The following CTNNA3 variants were observed in gnomAD, a reference collection of about 807,000 sequenced individuals.
CTNNA3 encodes the protein catenin alpha 3, also known as catenin alpha-3.
CTNNA3 carries 76 observed loss-of-function variants against 95.7 expected under a neutral mutation model. The observed-to-expected ratio is 0.79, with a 90% CI of 0.66 to 0.96. CTNNA3 has a LOEUF of 0.96. Among genes scored for constraint, CTNNA3 ranks in the 40% least tolerant of loss-of-function variants. The pLI is 0.00. For missense variants in CTNNA3, 1,191 were observed against 1,089.8 expected, an observed-to-expected ratio of 1.09 and a Z score of -1.31; for synonymous variants, 431 against 374.4, an observed-to-expected ratio of 1.15 and a Z score of -1.74.
intron 1 of CTNNA3, among the ~76,000 whole-genome samples, chr10:67,679,425 T>G (rs922790973): frequency 6.6e-6 from 1 of 152,210 alleles, no homozygotes; most frequent in Non-Finnish European, 1.5e-5. Flanking sequence ...CACAGAATTC[T>G]TGCTGGCATT....
chr10:67,021,741 A>G (rs918907459), intron 7 of CTNNA3, among the ~76,000 whole-genome samples: 5 of 152,182 alleles, frequency 3.3e-5, no homozygotes, highest in South Asian at 4.1e-4. Context: ...AGATTTCTGG[A>G]CTTCTTAAAA....
At chr10:65,958,984 C>T (rs991629682) in intron 17 of CTNNA3, among the ~76,000 whole-genome samples, 1 of 152,194 alleles carries the variant, frequency 6.6e-6, no homozygotes, top group African/African-American at 2.4e-5. Context: ...ATGCCCTGCC[C>T]CCAGAGGTGA....
At chr10:65,980,838 T>C (rs969574308) in intron 16 of CTNNA3, among the ~76,000 whole-genome samples, 3 of 152,058 alleles carry the variant, frequency 2.0e-5, no homozygotes, top group African/African-American at 7.2e-5. Context: ...AGAAATGACA[T>C]ACCTTAAGGT....
At chr10:65,957,889 T>C (rs1305727669) in intron 17 of CTNNA3, among the ~76,000 whole-genome samples, 1 of 152,190 alleles carries the variant, frequency 6.6e-6, no homozygotes, top group East Asian at 1.9e-4. Flanking sequence ...GAGGAGTATC[T>C]TTGTGGTGTT....
chr10:67,303,596 A>C (rs1172155251), intron 5 of CTNNA3, among the ~76,000 whole-genome samples: 4 of 152,238 alleles, frequency 2.6e-5, no homozygotes, highest in Non-Finnish European at 5.9e-5. Flanking sequence ...CATGGCAAGA[A>C]TGGTTTCTCA....
intron 11 of CTNNA3, among the ~76,000 whole-genome samples, chr10:66,416,009 C>A (rs1219874162): frequency 6.6e-6 from 1 of 151,922 alleles, no homozygotes; most frequent in African/African-American, 2.4e-5. Context: ...ATTATTGATT[C>A]TAAATAATTT....
chr10:67,316,157 A>C (rs1841043965), intron 5 of CTNNA3, among the ~76,000 whole-genome samples: 1 of 152,128 alleles, frequency 6.6e-6, no homozygotes, highest in African/African-American at 2.4e-5. Flanking sequence ...AAATTCAAGT[A>C]AAAGTAAATT....
At chr10:66,100,592 T>C (rs996268099) in intron 14 of CTNNA3, among the ~76,000 whole-genome samples, 1 of 152,128 alleles carries the variant, frequency 6.6e-6, no homozygotes, top group Non-Finnish European at 1.5e-5. Flanking sequence ...AGAACACTAA[T>C]GCAAGATGCA....
intron 5 of CTNNA3, among the ~76,000 whole-genome samples, chr10:67,342,261 C>CTGG (rs1842234657): frequency 6.6e-6 from 1 of 151,734 alleles, no homozygotes; most frequent in East Asian, 1.9e-4. Context: ...ACCACCATGC[C>CTGG]CGGCTAATTT....
intron 7 of CTNNA3, among the ~76,000 whole-genome samples, chr10:67,123,793 A>G (rs1859579599): frequency 6.6e-6 from 1 of 152,212 alleles, no homozygotes; most frequent in South Asian, 2.1e-4. Flanking sequence ...TTAATCAGAT[A>G]ATGTAATGCA....
At chr10:67,684,241 C>G (rs1019889348) in intron 1 of CTNNA3, among the ~76,000 whole-genome samples, 1 of 152,140 alleles carries the variant, frequency 6.6e-6, no homozygotes, top group Non-Finnish European at 1.5e-5. Context: ...CTGACTGGTG[C>G]GTTTTTACAG....
chr10:67,255,534 ACCC>A lies in CTNNA3; in HGVS notation c.580-35667_580-35665del, dbSNP rs1259515881. 3.0e-3 allele frequency among the ~76,000 whole-genome samples: 450 copies of A among 152,238 alleles called. 6 individuals are homozygous for A. The highest frequency in any genetic ancestry group is 0.01 in the African/African-American group (425 of 41,554). ...GCTTATTACTGGTGCTTACTGCTAT[ACCC>A]GCTTTATAGCTATTAAATACTTTAA... is the stretch of plus-strand genomic sequence containing the variant. On this transcript the variant is annotated intron_variant, in intron 5 of 17. Coordinates refer to ENST00000433211, the MANE Select transcript of CTNNA3 (RefSeq NM_013266.4).
intron 3 of CTNNA3, 77 bp from the exon 4 acceptor site, chr10:67,539,746 T>C: frequency 7.6e-7 from 1 of 1,322,536 alleles, no homozygotes; most frequent in Admixed American, 2.0e-5. Context: ...GCTAACCTAA[T>C]TCCAAGTAAA....
intron 5 of CTNNA3, among the ~76,000 whole-genome samples, chr10:67,287,750 A>T (rs1839667832): frequency 6.6e-6 from 1 of 152,188 alleles, no homozygotes; most frequent in Admixed American, 6.5e-5. Context: ...ACTACTTAGA[A>T]CACCAGCATT....
chr10:67,265,252 G>GA (rs1395515333), intron 5 of CTNNA3, among the ~76,000 whole-genome samples: 1 of 152,142 alleles, frequency 6.6e-6, no homozygotes, highest in African/African-American at 2.4e-5. Flanking sequence ...ATGATCAGTT[G>GA]AAGGCTCATA....
chr10:66,857,881 T>A (rs1287978425), intron 7 of CTNNA3, among the ~76,000 whole-genome samples: 1 of 152,084 alleles, frequency 6.6e-6, no homozygotes, highest in Non-Finnish European at 1.5e-5. Context: ...CTCTTTCTAT[T>A]TGGATGTCTT....
chr10:67,489,955 T>C (rs1848590515), intron 5 of CTNNA3, among the ~76,000 whole-genome samples: 1 of 152,142 alleles, frequency 6.6e-6, no homozygotes, highest in Non-Finnish European at 1.5e-5. Flanking sequence ...TTTTTGTATC[T>C]AGGTCATTTC....
At chr10:66,940,186 T>C (rs1193205936) in intron 7 of CTNNA3, among the ~76,000 whole-genome samples, 1 of 152,154 alleles carries the variant, frequency 6.6e-6, no homozygotes, top group Non-Finnish European at 1.5e-5. Context: ...TTTGCATTAA[T>C]CTACTTTAGA....
At chr10:67,166,167 T>A (rs1454478398) in intron 7 of CTNNA3, among the ~76,000 whole-genome samples, 1 of 152,218 alleles carries the variant, frequency 6.6e-6, no homozygotes, top group East Asian at 1.9e-4. Flanking sequence ...AGGTATTCAA[T>A]GATTCTAATT....
Sources: gnomAD v4.1 joint callset for allele counts (sites outside exome capture counted in the v4.1 genomes callset) on GRCh38, gnomAD v4.1.1 for gene constraint, MANE v1.5 for transcripts, NCBI Gene and HGNC (gene_info 2026-07-23, HGNC 2026-07-21) for gene names.